TSEN2: variants seen among roughly 807,000 people sequenced by gnomAD.
TSEN2 encodes the protein tRNA-splicing endonuclease subunit Sen2.
In TSEN2, 54 loss-of-function variants were observed where a neutral mutation model predicts 59.2. The ratio of observed to expected loss-of-function variants is 0.91; its 90% CI spans 0.73 to 1.14. The LOEUF is 1.14. Ranked by LOEUF, TSEN2 falls within the 50% of genes most tolerant of loss-of-function variation. TSEN2 has a pLI of 0.00. For synonymous variants in TSEN2, 195 were observed against 198.2 expected (o/e 0.98, Z 0.14); for missense variants, 636 against 576.2 (o/e 1.10, Z -1.06).
downstream of TSEN2, among the ~76,000 whole-genome samples, chr3:12,533,849 C>T (rs2057604187): frequency 6.6e-6 from 1 of 151,764 alleles, no homozygotes; most frequent in African/African-American, 2.4e-5. Context: ...TTTGGATAGC[C>T]AATATGGGGT....
exon 11 of TSEN2, chr3:12,539,526 C>T (rs1186667901): frequency 5.9e-6 from 1 of 168,546 alleles, no homozygotes; most frequent in Non-Finnish European, 1.3e-5. Context: ...TTCACATCCC[C>T]ACTTTCTGTA....
chr3:12,534,823 A>AG (rs1363365918), downstream of TSEN2, among the ~76,000 whole-genome samples: 1 of 142,268 alleles, frequency 7.0e-6, no homozygotes, highest in Non-Finnish European at 1.5e-5. Context: ...AAAAAAAAAA[A>AG]GATTAGCTGG....
rs1224653617 is a variant in TSEN2, at chr3:12,516,639, G to A, written c.938G>A (p.Cys313Tyr). 1.2e-5 allele frequency: 19 copies of A among 1,613,818 alleles called. No homozygotes were observed. The highest frequency in any genetic ancestry group is 2.2e-5 in the East Asian group (1 of 44,862). Residue 313 changes from cysteine (C) to tyrosine (Y), a missense_variant, in exon 7 of 12, where the codon TGT becomes TAT. Cys to Tyr is a radical substitution (Grantham distance 194, BLOSUM62 -2). Transcript: ENST00000284995. ...TTTTTCTTGGTCTATGCTCTGGGAT[G>A]TTTAAGTATTTACTATGAGAAGGTA... ...EAFFLVYALGCLSIYYEKEPL... is the reference protein window; with the variant it reads ...EAFFLVYALGYLSIYYEKEPL...
downstream of TSEN2, among the ~76,000 whole-genome samples, chr3:12,535,473 T>C (rs1203812464): frequency 6.6e-6 from 1 of 152,216 alleles, no homozygotes; most frequent in Non-Finnish European, 1.5e-5. Flanking sequence ...TTCTGTCATT[T>C]AAAATTTTTA....
intron 1 of TSEN2, among the ~76,000 whole-genome samples, chr3:12,487,006 A>G (rs1676747060): frequency 6.6e-6 from 1 of 152,252 alleles, no homozygotes; most frequent in South Asian, 2.1e-4. Flanking sequence ...ATTCACATAC[A>G]AATTTTTCCA....
At chr3:12,518,404 GC>G (rs201956250) in intron 7 of TSEN2, among the ~76,000 whole-genome samples, 1 of 152,142 alleles carries the variant, frequency 6.6e-6, no homozygotes, top group Admixed American at 6.6e-5. Flanking sequence ...GTTACAGTGA[GC>G]CCCCTGCATG....
intron 2 of TSEN2, 86 bp downstream of exon 2, chr3:12,490,075 C>G (rs982199498): frequency 1.1e-5 from 14 of 1,219,984 alleles, no homozygotes; most frequent in South Asian, 3.6e-5. Context: ...GCCATACCCC[C>G]ACACCAACCA....
intron 6 of TSEN2, among the ~76,000 whole-genome samples, chr3:12,511,455 G>A (rs1222958965): frequency 4.6e-5 from 7 of 151,980 alleles, no homozygotes; most frequent in Non-Finnish European, 1.0e-4. Context: ...CAGCTGATTA[G>A]CCATTTGGAA....
chr3:12,523,830 G>A (rs1425528390), intron 8 of TSEN2, among the ~76,000 whole-genome samples: 2 of 151,600 alleles, frequency 1.3e-5, no homozygotes, highest in Non-Finnish European at 2.9e-5. Flanking sequence ...GTGAGCCGTG[G>A]CATCCGGGCC....
At chr3:12,501,854 T>C (rs1203804836) in intron 4 of TSEN2, among the ~76,000 whole-genome samples, 1 of 152,260 alleles carries the variant, frequency 6.6e-6, no homozygotes, top group Admixed American at 6.5e-5. Context: ...TTTGACCTTC[T>C]GATCAGATTT....
At chr3:12,518,038 G>T (rs1172362326) in intron 7 of TSEN2, among the ~76,000 whole-genome samples, 1 of 152,072 alleles carries the variant, frequency 6.6e-6, no homozygotes. Flanking sequence ...CTGAAGACTT[G>T]ATTGTTTCAG....
chr3:12,487,984 T>C (rs1478076849), intron 1 of TSEN2, among the ~76,000 whole-genome samples: 1 of 152,220 alleles, frequency 6.6e-6, no homozygotes, highest in Non-Finnish European at 1.5e-5. Flanking sequence ...ATTCTTCTTT[T>C]TCATGGTTAT....
At chr3:12,499,465 A>G (rs752196812) in intron 4 of TSEN2, among the ~76,000 whole-genome samples, 5 of 152,194 alleles carry the variant, frequency 3.3e-5, no homozygotes, top group Admixed American at 6.5e-5. Context: ...TGATAGAGAT[A>G]CCATCACCAT....
rs12495784 is a variant in TSEN2, at chr3:12,489,922, G to A, written c.122G>A (p.Arg41His). The A allele has an allele frequency of 0.026, 42,108 of 1,613,910 alleles. 1,734 individuals carry two copies. Among genetic ancestry groups the A allele is most frequent in the African/African-American group, 0.17 (12,862 of 74,950 alleles). Residue 41 changes from arginine to histidine, a missense_variant, in exon 2 of 12, where the codon CGT becomes CAT. Transcript: ENST00000284995. ...CCTCTGAAAGAATTCAAGATATTCC[G>A]TGCTGAAATGATTAACAACAATGTG... Reference protein sequence around the residue: ...HGPLKEFKIFRAEMINNNVIV... With the variant: ...HGPLKEFKIFHAEMINNNVIV...
intron 6 of TSEN2, 37 bp from the exon 7 acceptor site, chr3:12,516,572 CTA>C: frequency 6.2e-7 from 1 of 1,603,690 alleles, no homozygotes. Context: ...GAATGTGAAA[CTA>C]TTTGTAATGA....
intron 8 of TSEN2, among the ~76,000 whole-genome samples, chr3:12,520,099 C>T (rs543784265): frequency 7.9e-5 from 12 of 151,858 alleles, no homozygotes; most frequent in African/African-American, 1.4e-4. Context: ...CATGGGTTCA[C>T]GCCGTTCTCC....
In TSEN2 at chr3:12,532,740, C is replaced by G. The variant is rs1274814643; in HGVS notation, c.*19C>G. 5 of 1,613,140 alleles carry G rather than the reference C, an allele frequency of 3.1e-6. No homozygotes were observed. The highest frequency in any genetic ancestry group is 4.2e-6 in the Non-Finnish European group (5 of 1,179,174). ...TCTTTAACAATTCAACCTCAAATTT[C>G]TAATTTCACCAACAACTATTTATTG... On this transcript the variant is annotated 3_prime_UTR_variant, in exon 12 of 12. Transcript: ENST00000284995.
At position 12,532,727 on chromosome 3, in the gene TSEN2, C is replaced by A; in HGVS notation, c.*6C>A. The A allele has an allele frequency of 6.2e-7, 1 of 1,613,972 alleles. No individual in the cohort carries two copies. The highest frequency in any genetic ancestry group is 1.3e-5 in the African/African-American group (1 of 75,028). On this transcript the variant is annotated 3_prime_UTR_variant, in exon 12 of 12. Transcript: ENST00000284995. ...GTGACCAAGACGATCTTTAACAATT[C>A]AACCTCAAATTTCTAATTTCACCAA...
At chr3:12,504,989 A>G (rs1051839787) in intron 5 of TSEN2, among the ~76,000 whole-genome samples, 165 bp from the exon 6 acceptor site, 2 of 152,232 alleles carry the variant, frequency 1.3e-5, no homozygotes, top group African/African-American at 4.8e-5. Flanking sequence ...CAATAGAGCA[A>G]GAGTCCGTCT....
Sources: gnomAD v4.1 joint callset for allele counts (sites outside exome capture counted in the v4.1 genomes callset) on GRCh38, gnomAD v4.1.1 for gene constraint, MANE v1.5 for transcripts, NCBI Gene and HGNC (gene_info 2026-07-23, HGNC 2026-07-21) for gene names.